Variants in PREX2 observed in about 807,000 individuals in gnomAD.
PREX2 encodes the protein phosphatidylinositol-3,4,5-trisphosphate dependent Rac exchange factor 2, also known as phosphatidylinositol 3,4,5-trisphosphate-dependent Rac exchanger 2 protein.
A neutral mutation model predicts 203.2 loss-of-function variants in PREX2; 107 were observed. That is an observed-to-expected ratio of 0.53 (90% CI 0.45 to 0.62). The LOEUF is 0.62. PREX2 is among the 20% of genes least tolerant of loss of function. The pLI is 0.00. For synonymous variants in PREX2, 672 were observed against 663.6 expected (o/e 1.01, Z -0.19); for missense variants, 1,777 against 1,955.9 (o/e 0.91, Z 1.72).
At chr8:68,025,348 T>C (rs1275015978) in intron 4 of PREX2, among the ~76,000 whole-genome samples, 1 of 152,048 alleles carries the variant, frequency 6.6e-6, no homozygotes, top group East Asian at 1.9e-4. Flanking sequence ...CTTCCATTGT[T>C]TCTGATGATA....
chr8:68,046,236 A>C (rs1808347479), intron 8 of PREX2, among the ~76,000 whole-genome samples: 1 of 152,014 alleles, frequency 6.6e-6, no homozygotes, highest in Admixed American at 6.6e-5. Context: ...CCGTGATGTC[A>C]GTGCCACTAT....
intron 1 of PREX2, among the ~76,000 whole-genome samples, chr8:68,016,285 T>C (rs1807407898): frequency 6.6e-6 from 1 of 152,200 alleles, no homozygotes; most frequent in Non-Finnish European, 1.5e-5. Flanking sequence ...CTGTATATAT[T>C]CTTATGCATC....
intron 11 of PREX2, among the ~76,000 whole-genome samples, chr8:68,062,941 G>T (rs1379426110): frequency 1.3e-5 from 2 of 151,950 alleles, no homozygotes; most frequent in African/African-American, 4.8e-5. Flanking sequence ...ATCCCATACA[G>T]GTGCTCAATA....
chr8:67,953,960 C>T (rs1301028146), intron 1 of PREX2, among the ~76,000 whole-genome samples: 1 of 152,178 alleles, frequency 6.6e-6, no homozygotes. Context: ...GAATCTGAGT[C>T]ATTTCTTACA....
chr8:68,138,529 G>A lies in PREX2; in HGVS notation c.4087+12G>A, dbSNP rs765611159. 7.4e-7 allele frequency: 1 copy of A among 1,350,456 alleles called. No individual in the cohort carries two copies. The highest frequency in any genetic ancestry group is 1.9e-5 in the Admixed American group (1 of 51,732). The allele number at this position is 1,350,456 out of a possible 1,614,324, so 83.7% of individuals were successfully genotyped here. Reference sequence around the variant, plus strand: ...ACCTCTGGTTGCAAGTAAGTAATTAGGTATTTACAAAATTTATTTGGCATC... The same window carrying A: ...ACCTCTGGTTGCAAGTAAGTAATTAAGTATTTACAAAATTTATTTGGCATC... On this transcript the variant is annotated intron_variant, in intron 33 of 39. Transcript: ENST00000288368.
intron 37 of PREX2, among the ~76,000 whole-genome samples, chr8:68,208,650 A>G (rs577827609): frequency 1.3e-5 from 2 of 152,300 alleles, no homozygotes; most frequent in East Asian, 1.9e-4. Flanking sequence ...GAGCAGAATC[A>G]TTTACATTCT....
rs147060600 is a variant in PREX2 at position 68,026,191 on chromosome 8, T to C, written c.442-1031T>C. ...CTGGGTGAAGTTACATTCAGAGTGC[T>C]GATTTTGCTGACTTTGCTGACTTGG... On this transcript the variant is annotated intron_variant, in intron 4 of 39. Transcript: ENST00000288368. 5.8e-3 allele frequency among the ~76,000 whole-genome samples: 884 copies of C among 152,184 alleles called. 7 individuals are homozygous for C. The highest frequency in any genetic ancestry group is 0.02 in the African/African-American group (840 of 41,546).
At chr8:68,020,790 T>C (rs934830114) in intron 3 of PREX2, among the ~76,000 whole-genome samples, 3 of 152,338 alleles carry the variant, frequency 2.0e-5, no homozygotes, top group Admixed American at 6.5e-5. Context: ...AGTCCAGGGC[T>C]GTGCCTGGGA....
chr8:68,189,849 T>C (rs952532396), intron 35 of PREX2, among the ~76,000 whole-genome samples: 1 of 152,214 alleles, frequency 6.6e-6, no homozygotes, highest in Non-Finnish European at 1.5e-5. Flanking sequence ...CTGAGTTGTT[T>C]ACAAAACTTT....
intron 5 of PREX2, among the ~76,000 whole-genome samples, chr8:68,028,539 T>C (rs953708506): frequency 6.6e-6 from 1 of 152,224 alleles, no homozygotes; most frequent in East Asian, 1.9e-4. Context: ...GCGTAAATTT[T>C]ATTTGAAAAT....
chr8:68,195,975 C>G (rs1238221146), intron 37 of PREX2, among the ~76,000 whole-genome samples: 1 of 152,106 alleles, frequency 6.6e-6, no homozygotes, highest in Non-Finnish European at 1.5e-5. Flanking sequence ...CAATCTGAAT[C>G]AGATGGCAGA....
At chr8:68,158,729 G>T (rs901070989) in intron 35 of PREX2, among the ~76,000 whole-genome samples, 2 of 152,128 alleles carry the variant, frequency 1.3e-5, no homozygotes, top group African/African-American at 4.8e-5. Flanking sequence ...TCATTTTAAT[G>T]TCTCTCTGGG....
chr8:68,118,307 A>T (rs910986550), intron 26 of PREX2, among the ~76,000 whole-genome samples: 1 of 151,440 alleles, frequency 6.6e-6, no homozygotes, highest in Non-Finnish European at 1.5e-5. Context: ...GTGAGCCGAG[A>T]TCGCACCACT....
chr8:68,078,516 T>C (rs542647122), intron 15 of PREX2, among the ~76,000 whole-genome samples: 62 of 152,364 alleles, frequency 4.1e-4, no homozygotes, highest in African/African-American at 1.5e-3. Flanking sequence ...ATAGCACTTA[T>C]ACCTGTTTGT....
intron 25 of PREX2, chr8:68,114,468 G>T: frequency 3.1e-6 from 1 of 319,456 alleles, no homozygotes; most frequent in Non-Finnish European, 6.4e-6. Context: ...TTTATACATG[G>T]TTTAATTCAT....
chr8:68,069,618 T>C (rs1461375800), intron 12 of PREX2, among the ~76,000 whole-genome samples: 3 of 94,708 alleles, frequency 3.2e-5, no homozygotes, highest in Non-Finnish European at 7.2e-5. Flanking sequence ...GTATGTCATA[T>C]ATGAGGAATT....
At chr8:68,180,206 T>C (rs1812058350) in intron 35 of PREX2, among the ~76,000 whole-genome samples, 1 of 152,244 alleles carries the variant, frequency 6.6e-6, no homozygotes, top group South Asian at 2.1e-4. Flanking sequence ...AGATTCTCCT[T>C]ATGTCTTAAA....
intron 37 of PREX2, among the ~76,000 whole-genome samples, chr8:68,205,980 T>C (rs1044246692): frequency 1.3e-5 from 2 of 152,208 alleles, no homozygotes; most frequent in Admixed American, 6.5e-5. Flanking sequence ...ACCGCCTGAA[T>C]TGATGTCTAC....
intron 1 of PREX2, among the ~76,000 whole-genome samples, chr8:67,990,780 T>C (rs1166433805): frequency 6.6e-6 from 1 of 152,006 alleles, no homozygotes; most frequent in Non-Finnish European, 1.5e-5. Flanking sequence ...CCTGAAGTGC[T>C]GATTACAGGC....
Sources: allele counts gnomAD v4.1 joint callset (sites outside exome capture counted in the v4.1 genomes callset), GRCh38; gene constraint gnomAD v4.1.1; transcripts MANE v1.5; gene names NCBI Gene and HGNC (gene_info 2026-07-23, HGNC 2026-07-21).